The following DNAH11 variants were observed in gnomAD, a reference collection of about 807,000 sequenced individuals.
DNAH11 encodes axonemal beta dynein heavy chain 11.
DNAH11 carries 442 observed loss-of-function variants against 526.0 expected under a neutral mutation model. The ratio of observed to expected loss-of-function variants is 0.84; its 90% CI spans 0.78 to 0.91. The LOEUF (loss-of-function observed/expected upper bound fraction) is 0.91, where lower values mean the gene tolerates loss of function less well. DNAH11 is among the 40% of genes least tolerant of loss of function. The probability of loss-of-function intolerance (pLI) is 0.00; values close to 1 mark genes in which losing one functional copy is unlikely to be tolerated. For synonymous variants in DNAH11, 2,461 were observed against 1,935.9 expected (o/e 1.27, Z -7.12); for missense variants, 6,989 against 5,448.7 (o/e 1.28, Z -8.90).
chr7:21,744,393 A>C, intron 49 of DNAH11, 45 bp from the exon 50 acceptor site: 2 of 1,593,400 alleles, frequency 1.3e-6, no homozygotes, highest in Non-Finnish European at 1.7e-6. Flanking sequence ...TTGACATGTC[A>C]TCAGCCTCTG....
intron 52 of DNAH11, 72 bp downstream of exon 52, chr7:21,748,814 C>A (rs1786276499): frequency 1.4e-6 from 2 of 1,469,270 alleles, no homozygotes; most frequent in South Asian, 1.5e-5. Context: ...CTAGTGCGCC[C>A]GTGTGGGCTG....
At chr7:21,787,729 T>C in intron 60 of DNAH11, 146 bp downstream of exon 60, 1 of 644,658 alleles carries the variant, frequency 1.6e-6, no homozygotes, top group East Asian at 3.1e-5. Flanking sequence ...ATGAGCATGT[T>C]AGAGTAAACA....
chr7:21,889,176 T>G (rs1389242812), intron 76 of DNAH11, among the ~76,000 whole-genome samples: 1 of 152,230 alleles, frequency 6.6e-6, no homozygotes, highest in Non-Finnish European at 1.5e-5. Context: ...TAGCCTTCTT[T>G]CACTTGGCAT....
intron 54 of DNAH11, among the ~76,000 whole-genome samples, chr7:21,753,331 C>T (rs935091518): frequency 1.3e-5 from 2 of 152,178 alleles, no homozygotes; most frequent in African/African-American, 4.8e-5. Flanking sequence ...TCCCATGCTG[C>T]CTCCGGCTAC....
rs376085865 is a variant in DNAH11, at chr7:21,854,311, A to G, written c.11062-4A>G. 17 of 1,613,492 alleles carry G rather than the reference A, an allele frequency of 1.1e-5. No homozygotes were observed. Among genetic ancestry groups the G allele is most frequent in the Non-Finnish European group, 1.3e-5 (15 of 1,179,732 alleles). The stretch of plus-strand genomic sequence containing the variant: ...GTTACTTATTTTGTTTGATCCCACC[A>G]TAGGTGATTGAAGCCAAAGAAAATG... On this transcript the variant is annotated splice_region_variant and splice_polypyrimidine_tract_variant and intron_variant, in intron 67 of 81. Transcript: ENST00000409508.
chr7:21,840,305 G>A (rs1782156390), intron 65 of DNAH11, among the ~76,000 whole-genome samples: 1 of 152,198 alleles, frequency 6.6e-6, no homozygotes, highest in South Asian at 2.1e-4. Context: ...TCACCTGGAA[G>A]TCAATGAGAT....
chr7:21,738,539 A>G (rs1485287325), intron 46 of DNAH11, among the ~76,000 whole-genome samples, 162 bp from the exon 47 acceptor site: 2 of 152,154 alleles, frequency 1.3e-5, no homozygotes, highest in Non-Finnish European at 2.9e-5. Flanking sequence ...ACACAAAAGG[A>G]GGGGCCAGAG....
At chr7:21,851,557 A>G (rs1562583918) in intron 66 of DNAH11, 1 of 471,544 alleles carries the variant, frequency 2.1e-6, no homozygotes, top group Non-Finnish European at 4.4e-6. Context: ...TTATGTCATA[A>G]TGGTTACTTT....
intron 28 of DNAH11, among the ~76,000 whole-genome samples, chr7:21,654,198 C>T (rs778290973): frequency 3.3e-5 from 5 of 152,174 alleles, no homozygotes; most frequent in East Asian, 1.9e-4. Flanking sequence ...TTCATCAAGC[C>T]GAAAGTAAAA....
intron 79 of DNAH11, 52 bp downstream of exon 79, chr7:21,895,051 G>A: frequency 2.1e-6 from 3 of 1,460,280 alleles, no homozygotes; most frequent in Non-Finnish European, 2.9e-6. Flanking sequence ...TCGGTGCTGG[G>A]TTAGTGTTCT....
rs542532999 is a variant in DNAH11 at position 21,700,770 on chromosome 7, T to A, written c.6181-1940T>A. On this transcript the variant is annotated intron_variant, in intron 36 of 81. Transcript: ENST00000409508. ...ATGGTACATATACACCATGGAATAC[T>A]ATGCAGCCATGAAAAAGGATGAGTT... 2.9e-3 allele frequency among the ~76,000 whole-genome samples: 449 copies of A among 152,262 alleles called. 1 individual carries two copies. Among genetic ancestry groups the A allele is most frequent in the Non-Finnish European group, 2.1e-3 (145 of 68,014 alleles).
intron 62 of DNAH11, 132 bp downstream of exon 62, chr7:21,801,407 T>A: frequency 8.0e-7 from 1 of 1,243,782 alleles, no homozygotes; most frequent in South Asian, 1.5e-5. Flanking sequence ...TAATCACTCA[T>A]CCTGTGGCTC....
rs138945257 is a variant in DNAH11 at position 21,901,049 on chromosome 7, G to C, written c.13346G>C (p.Arg4449Pro). The change falls in exon 82 of 82, where the codon CGT becomes CCT. Residue 4449 changes from arginine (R) to proline (P), a missense_variant. Coordinates refer to ENST00000409508, the MANE Select transcript of DNAH11 (RefSeq NM_001277115.2). The stretch of plus-strand genomic sequence containing the variant: ...CAAGCAGGAACCATTGTTGAAGCCC[G>C]TCTCAAGGAGCTGGCATGCCCTATG... ...DTQAGTIVEA[R>P]LKELACPMPV... The C allele has an allele frequency of 1.3e-5, 21 of 1,613,042 alleles. No individual in the cohort carries two copies. Among genetic ancestry groups the C allele is most frequent in the Non-Finnish European group, 1.7e-5 (20 of 1,179,514 alleles).
At chr7:21,860,844 A>G (rs1583783571) in intron 68 of DNAH11, among the ~76,000 whole-genome samples, 1 of 152,190 alleles carries the variant, frequency 6.6e-6, no homozygotes, top group African/African-American at 2.4e-5. Context: ...ATCATGGTGG[A>G]AGGCGAAAGG....
intron 65 of DNAH11, among the ~76,000 whole-genome samples, chr7:21,829,227 T>TC (rs1790444230): frequency 1.3e-5 from 2 of 151,646 alleles, no homozygotes; most frequent in African/African-American, 2.4e-5. Flanking sequence ...TAAATGTGTT[T>TC]CCCCCCACCC....
chr7:21,667,768 T>G (rs1484667776), intron 30 of DNAH11, among the ~76,000 whole-genome samples: 1 of 152,126 alleles, frequency 6.6e-6, no homozygotes, highest in Non-Finnish European at 1.5e-5. Flanking sequence ...TTAAAATGAC[T>G]GTGTACGTAT....
intron 45 of DNAH11, among the ~76,000 whole-genome samples, chr7:21,733,049 GA>G (rs1785447558): frequency 6.6e-6 from 1 of 152,132 alleles, no homozygotes; most frequent in Non-Finnish European, 1.5e-5. Flanking sequence ...CTATGTGGGG[GA>G]GGGGTGGGGA....
chr7:21,829,195 T>C (rs551149032), intron 65 of DNAH11, among the ~76,000 whole-genome samples: 4 of 152,322 alleles, frequency 2.6e-5, no homozygotes, highest in Admixed American at 6.5e-5. Context: ...TAGATGTCCA[T>C]TGAAAAGTTT....
chr7:21,820,513 T>G (rs964233670), intron 65 of DNAH11, among the ~76,000 whole-genome samples: 14 of 152,152 alleles, frequency 9.2e-5, no homozygotes, highest in Admixed American at 3.9e-4. Context: ...GAGCCCTAAT[T>G]TCAAATAGTA....
Sources: allele counts gnomAD v4.1 joint callset (sites outside exome capture counted in the v4.1 genomes callset), GRCh38; gene constraint gnomAD v4.1.1; transcripts MANE v1.5; gene names NCBI Gene and HGNC (gene_info 2026-07-23, HGNC 2026-07-21).